COL13A1: variants seen among roughly 807,000 people sequenced by gnomAD.
The protein encoded by COL13A1 is collagen type XIII alpha 1 chain, also known as collagen alpha-1(XIII) chain.
A neutral mutation model predicts 130.9 loss-of-function variants in COL13A1; 89 were observed. The observed-to-expected ratio is 0.68, with a 90% CI of 0.57 to 0.81. The LOEUF (loss-of-function observed/expected upper bound fraction) is 0.81. COL13A1 is among the 30% of genes least tolerant of loss of function. The pLI, the probability that COL13A1 is intolerant of heterozygous loss-of-function variation, is 0.00. For synonymous variants in COL13A1, 402 were observed against 341.6 expected, an observed-to-expected ratio of 1.18 and a Z score of -1.95; for missense variants, 879 against 934.6, an observed-to-expected ratio of 0.94 and a Z score of 0.78.
chr10:69,857,980 G>T (rs1224840828), intron 2 of COL13A1, among the ~76,000 whole-genome samples: 4 of 152,036 alleles, frequency 2.6e-5, no homozygotes, highest in Non-Finnish European at 5.9e-5. Flanking sequence ...GCCAGGCATG[G>T]TGGCGCATGC....
chr10:69,891,638 C>CTGCCA (rs1364868552), intron 10 of COL13A1, among the ~76,000 whole-genome samples: 1 of 152,224 alleles, frequency 6.6e-6, no homozygotes, highest in African/African-American at 2.4e-5. Flanking sequence ...CAGGAAGAAA[C>CTGCCA]TGCCATGCCA....
intron 1 of COL13A1, 93 bp from the exon 2 acceptor site, chr10:69,822,276 C>T (rs1045084222): frequency 1.0e-6 from 1 of 958,268 alleles, no homozygotes; most frequent in African/African-American, 1.7e-5. Flanking sequence ...CGGTTTCCCC[C>T]TCTTCCTGCC....
At chr10:69,811,121 C>G (rs572415825) in intron 1 of COL13A1, among the ~76,000 whole-genome samples, 1 of 152,356 alleles carries the variant, frequency 6.6e-6, no homozygotes, top group South Asian at 2.1e-4. Flanking sequence ...CCCACCCCAG[C>G]CTTGCCTGCC....
At chr10:69,950,128 C>T (rs778149964) in intron 38 of COL13A1, among the ~76,000 whole-genome samples, 6 of 152,068 alleles carry the variant, frequency 3.9e-5, no homozygotes, top group Non-Finnish European at 8.8e-5. Context: ...AATAGTCCCA[C>T]GTCCTTCATC....
intron 36 of COL13A1, among the ~76,000 whole-genome samples, chr10:69,944,487 C>T (rs2068151258): frequency 6.6e-6 from 1 of 152,038 alleles, no homozygotes; most frequent in African/African-American, 2.4e-5. Flanking sequence ...GCAACCCAGA[C>T]TCTACAAAAA....
chr10:69,902,870 CCT>C lies in COL13A1; in HGVS notation c.858+21_858+22del. On this transcript the variant is annotated intron_variant, in intron 15 of 40. Coordinates refer to ENST00000645393, the MANE Select transcript of COL13A1 (RefSeq NM_001368882.1). Reference sequence around the variant, plus strand: ...TGGGGCCACCTGTAAGTATTCCCTTCCTCTCTCCTTCAAGACTTATCCCAAGA... The same window carrying C: ...TGGGGCCACCTGTAAGTATTCCCTTCCTCTCCTTCAAGACTTATCCCAAGA... 6.7e-7 allele frequency: 1 copy of C among 1,499,684 alleles called. No individual in the cohort carries two copies. 92.9% of individuals were successfully genotyped at this position (1,499,684 alleles called of 1,614,324 possible). A position where few individuals can be genotyped will look rare whatever the true frequency, so the allele number is the denominator to read the frequency against.
At chr10:69,846,895 G>T (rs1564831886) in intron 2 of COL13A1, among the ~76,000 whole-genome samples, 1 of 152,204 alleles carries the variant, frequency 6.6e-6, no homozygotes, top group Non-Finnish European at 1.5e-5. Flanking sequence ...CTGAGGCTTG[G>T]CAGCTTAGAA....
intron 1 of COL13A1, among the ~76,000 whole-genome samples, chr10:69,808,562 C>A (rs1032522920): frequency 1.3e-5 from 2 of 152,224 alleles, no homozygotes; most frequent in African/African-American, 4.8e-5. Flanking sequence ...GCACGGAGAA[C>A]AGCAACCCAG....
intron 1 of COL13A1, among the ~76,000 whole-genome samples, chr10:69,817,483 G>A (rs374025829): frequency 3.3e-5 from 5 of 151,936 alleles, no homozygotes; most frequent in African/African-American, 1.2e-4. Flanking sequence ...CAGTGCAATG[G>A]TGAAGGGTTG....
intron 2 of COL13A1, among the ~76,000 whole-genome samples, chr10:69,846,790 A>T (rs1853242793): frequency 6.6e-6 from 1 of 152,142 alleles, no homozygotes; most frequent in South Asian, 2.1e-4. Flanking sequence ...GGGCAGAGGA[A>T]GTTTCCCTGG....
intron 3 of COL13A1, among the ~76,000 whole-genome samples, chr10:69,868,378 T>G (rs1227745033): frequency 1.3e-5 from 2 of 152,064 alleles, no homozygotes; most frequent in Non-Finnish European, 2.9e-5. Flanking sequence ...GCACATAAAT[T>G]ATAGGCATCA....
At chr10:69,947,055 T>C (rs188328569) in intron 37 of COL13A1, among the ~76,000 whole-genome samples, 187 of 152,360 alleles carry the variant, frequency 1.2e-3, no homozygotes, top group Admixed American at 2.9e-3. Context: ...CCCAAAGTGC[T>C]GGGATTACAG....
intron 2 of COL13A1, among the ~76,000 whole-genome samples, chr10:69,862,296 A>G (rs1362007063): frequency 6.6e-6 from 1 of 152,180 alleles, no homozygotes; most frequent in Non-Finnish European, 1.5e-5. Context: ...CATCTATAAA[A>G]TGGGAGTTGG....
chr10:69,915,256 G>A (rs997733936), intron 17 of COL13A1, among the ~76,000 whole-genome samples: 13 of 152,240 alleles, frequency 8.5e-5, no homozygotes, highest in Non-Finnish European at 1.8e-4. Flanking sequence ...ACACATGGCA[G>A]CTGCAGTAAG....
intron 39 of COL13A1, among the ~76,000 whole-genome samples, chr10:69,953,639 T>C (rs899226069): frequency 3.3e-5 from 5 of 152,234 alleles, no homozygotes; most frequent in African/African-American, 1.2e-4. Context: ...TGAATCCATT[T>C]GAAGGTTCTA....
At chr10:69,827,463 G>T (rs986479700) in intron 2 of COL13A1, among the ~76,000 whole-genome samples, 10 of 152,210 alleles carry the variant, frequency 6.6e-5, no homozygotes, top group Admixed American at 6.5e-4. Context: ...TGGGGGAGCA[G>T]TGCCTCTGCC....
In COL13A1 at chr10:69,933,135, C is replaced by CAAAAAAAAAAAAAAAAAAAAAAAAAAAAA. The variant is rs34323794; in HGVS notation, c.1728+535_1728+563dup. 2.5e-4 allele frequency among the ~76,000 whole-genome samples: 11 copies of CAAAAAAAAAAAAAAAAAAAAAAAAAAAAA among 44,430 alleles called. 1 individual carries two copies. The highest frequency in any genetic ancestry group is 4.3e-4 in the Admixed American group (1 of 2,322). The allele number at this position is 44,430 out of a possible 152,430, so 29.1% of individuals were successfully genotyped here. On this transcript the variant is annotated intron_variant, in intron 31 of 40. Coordinates refer to ENST00000645393, the MANE Select transcript of COL13A1 (RefSeq NM_001368882.1). Reference sequence around the variant, plus strand: ...TGGGCAACAGAGTGAGACTCTGCCTCAAAAAAAAAAAAAAAAAAAAAAAAA... The same window carrying CAAAAAAAAAAAAAAAAAAAAAAAAAAAAA: ...TGGGCAACAGAGTGAGACTCTGCCTCAAAAAAAAAAAAAAAAAAAAAAAAAAAAAAAAAAAAAAAAAAAAAAAAAAAAAA...
intron 28 of COL13A1, among the ~76,000 whole-genome samples, chr10:69,929,521 T>C (rs2763338): frequency 0.99 from 151,405 of 152,264 alleles, 75,280 homozygotes; most frequent in Middle Eastern, 1. Context: ...GAAGCCTCCC[T>C]GATCTATCAG....
intron 1 of COL13A1, among the ~76,000 whole-genome samples, chr10:69,814,987 A>G (rs1231727455): frequency 1.3e-5 from 2 of 152,358 alleles, no homozygotes; most frequent in Non-Finnish European, 1.5e-5. Flanking sequence ...TAATAATTCA[A>G]CCCAAAATTG....
Sources: allele counts gnomAD v4.1 joint callset (sites outside exome capture counted in the v4.1 genomes callset), GRCh38; gene constraint gnomAD v4.1.1; transcripts MANE v1.5; gene names NCBI Gene and HGNC (gene_info 2026-07-23, HGNC 2026-07-21).